Variants in CERKL observed in about 807,000 individuals in gnomAD.
CERKL encodes CERK like autophagy regulator.
In CERKL, 61 loss-of-function variants were observed where a neutral mutation model predicts 63.4. The observed-to-expected ratio is 0.96, with a 90% confidence interval of 0.78 to 1.19. The LOEUF (loss-of-function observed/expected upper bound fraction) is 1.19, where lower values mean the gene tolerates loss of function less well. Among genes scored for constraint, CERKL ranks in the 50% most tolerant of loss-of-function variants. CERKL has a pLI of 0.00. For missense variants in CERKL, 675 were observed against 655.5 expected (o/e 1.03, Z -0.33); for synonymous variants, 250 against 230.5 (o/e 1.08, Z -0.77).
At chr2:181,628,605 T>C (rs1192293585) in intron 1 of CERKL, among the ~76,000 whole-genome samples, 1 of 152,198 alleles carries the variant, frequency 6.6e-6, no homozygotes, top group South Asian at 2.1e-4. Flanking sequence ...CAAAAAGCTG[T>C]TCAAACAACT....
At position 181,538,181 on chromosome 2, in the gene CERKL, A is replaced by ATGTT; in HGVS notation, c.1598_*2dup. 1 of 1,549,734 alleles carries ATGTT rather than the reference A, an allele frequency of 6.5e-7. No individual in the cohort carries two copies. Among genetic ancestry groups the ATGTT allele is most frequent in the Non-Finnish European group, 8.9e-7 (1 of 1,123,024 alleles). Reference sequence around the variant, plus strand: ...GTACATTTCTTTTAGAAACAATTACATGTTACTTTGGAATCATTTCTTCCA... The same window carrying ATGTT: ...GTACATTTCTTTTAGAAACAATTACATGTTTGTTACTTTGGAATCATTTCTTCCA... On this transcript the variant is annotated 3_prime_UTR_variant, in exon 13 of 13. Transcript: ENST00000410087.
intron 3 of CERKL, among the ~76,000 whole-genome samples, chr2:181,570,626 G>C (rs1286354910): frequency 6.6e-6 from 1 of 152,100 alleles, no homozygotes; most frequent in Non-Finnish European, 1.5e-5. Context: ...GTAGCAGAGT[G>C]GGGATGCAAC....
At chr2:181,567,252 G>T (rs1688705329) in intron 3 of CERKL, among the ~76,000 whole-genome samples, 1 of 152,086 alleles carries the variant, frequency 6.6e-6, no homozygotes, top group South Asian at 2.1e-4. Context: ...AAGAAGATGT[G>T]TGCTGATCAT....
intron 12 of CERKL, among the ~76,000 whole-genome samples, 196 bp from the exon 13 acceptor site, chr2:181,538,440 A>C (rs1316980086): frequency 1.3e-5 from 2 of 152,112 alleles, no homozygotes; most frequent in East Asian, 3.9e-4. Context: ...AACCTCCTTA[A>C]CTGACTTCCT....
At chr2:181,621,268 TAA>T (rs1686435665) in intron 1 of CERKL, among the ~76,000 whole-genome samples, 1 of 152,164 alleles carries the variant, frequency 6.6e-6, no homozygotes, top group Admixed American at 6.5e-5. Context: ...GGAAAAAAAT[TAA>T]GTCTTAATAA....
At chr2:181,574,886 A>C (rs1034131453) in intron 2 of CERKL, among the ~76,000 whole-genome samples, 1 of 152,222 alleles carries the variant, frequency 6.6e-6, no homozygotes, top group Admixed American at 6.5e-5. Flanking sequence ...TCAACAGGAC[A>C]TACTGTTTTG....
chr2:181,563,920 TC>T, intron 4 of CERKL, among the ~76,000 whole-genome samples: 1 of 152,204 alleles, frequency 6.6e-6, no homozygotes, highest in Non-Finnish European at 1.5e-5. Context: ...TTTAAAGTGG[TC>T]CCCAACCTTT....
intron 2 of CERKL, among the ~76,000 whole-genome samples, chr2:181,593,867 TAAA>T (rs780308862): frequency 2.5e-5 from 3 of 118,116 alleles, no homozygotes; most frequent in Non-Finnish European, 2.0e-5. Context: ...AAAACACTAC[TAAA>T]AAAAAAAAAA....
intron 10 of CERKL, among the ~76,000 whole-genome samples, chr2:181,547,206 A>G (rs535097932): frequency 1.3e-5 from 2 of 152,266 alleles, no homozygotes; most frequent in East Asian, 1.9e-4. Flanking sequence ...AGCAGCATGA[A>G]AACAGACTAA....
At chr2:181,575,254 C>A (rs965586084) in intron 2 of CERKL, among the ~76,000 whole-genome samples, 3 of 152,204 alleles carry the variant, frequency 2.0e-5, no homozygotes, top group African/African-American at 7.2e-5. Flanking sequence ...TGGCTCATTG[C>A]TGCCTGAAGA....
intron 1 of CERKL, among the ~76,000 whole-genome samples, chr2:181,650,344 C>T (rs574506812): frequency 2.0e-5 from 3 of 152,178 alleles, no homozygotes; most frequent in East Asian, 1.9e-4. Flanking sequence ...ACAAAACCTA[C>T]GAAACATAGC....
intron 1 of CERKL, 72 bp from the exon 2 acceptor site, chr2:181,604,151 A>G: frequency 7.9e-7 from 1 of 1,269,204 alleles, no homozygotes. Context: ...ACTGGGGCTT[A>G]CCAGAGGGTA....
intron 1 of CERKL, among the ~76,000 whole-genome samples, chr2:181,632,199 G>A (rs1686992155): frequency 6.6e-6 from 1 of 152,070 alleles, no homozygotes; most frequent in Non-Finnish European, 1.5e-5. Flanking sequence ...AATTTCAGTG[G>A]TTAAGAGAAC....
intron 1 of CERKL, among the ~76,000 whole-genome samples, chr2:181,628,036 A>G (rs550301480): frequency 7.4e-4 from 113 of 152,224 alleles, no homozygotes; most frequent in Non-Finnish European, 1.4e-3. Flanking sequence ...ATTTAAGAAC[A>G]TTCTCAAAAC....
chr2:181,558,438 G>A lies in CERKL; in HGVS notation c.820+128C>T. 1 of 976,610 alleles carries A rather than the reference G, an allele frequency of 1.0e-6. No homozygotes were observed. The allele number at this position is 976,610 out of a possible 1,614,324, so 60.5% of individuals were successfully genotyped here. On this transcript the variant is annotated intron_variant, in intron 5 of 12. Coordinates refer to ENST00000410087, the MANE Select transcript of CERKL (RefSeq NM_201548.5). The surrounding 1 kb of genome is among the most constrained non-coding windows in gnomAD (Gnocchi z 4.2). Reference sequence around the variant, plus strand: ...TGTCAAAAGTCTCACATTTGCTAGTGGGGATGCCAGAAGTCTGGATCTTTC... The same window carrying A: ...TGTCAAAAGTCTCACATTTGCTAGTAGGGATGCCAGAAGTCTGGATCTTTC...
intron 1 of CERKL, among the ~76,000 whole-genome samples, chr2:181,623,447 T>C (rs1270651748): frequency 6.6e-6 from 1 of 152,208 alleles, no homozygotes; most frequent in Non-Finnish European, 1.5e-5. Flanking sequence ...GTGTTAACTA[T>C]CCCTAATCAA....
intron 3 of CERKL, among the ~76,000 whole-genome samples, chr2:181,568,465 C>G (rs889142509): frequency 6.6e-6 from 1 of 152,232 alleles, no homozygotes; most frequent in Non-Finnish European, 1.5e-5. Flanking sequence ...CCAGTTGTTT[C>G]TGTCTTTAAA....
At chr2:181,566,995 C>T (rs1228176367) in intron 3 of CERKL, among the ~76,000 whole-genome samples, 1 of 152,050 alleles carries the variant, frequency 6.6e-6, no homozygotes, top group East Asian at 1.9e-4. Context: ...GCTTGTCTGT[C>T]CCTGGTGCCA....
intron 4 of CERKL, among the ~76,000 whole-genome samples, chr2:181,563,493 T>G (rs1322106667): frequency 1.3e-5 from 2 of 151,872 alleles, no homozygotes; most frequent in Non-Finnish European, 2.9e-5. Flanking sequence ...GATTTCCTAA[T>G]CACTCCCTAT....
Sources: allele counts gnomAD v4.1 joint callset (sites outside exome capture counted in the v4.1 genomes callset), GRCh38; gene constraint gnomAD v4.1.1; non-coding constraint Gnocchi (gnomAD v3.1); transcripts MANE v1.5; gene names NCBI Gene and HGNC (gene_info 2026-07-23, HGNC 2026-07-21).